The following MRNIP variants were observed in gnomAD, a reference collection of about 807,000 sequenced individuals.
MRNIP encodes the protein MRN complex interacting protein.
A neutral mutation model predicts 29.8 loss-of-function variants in MRNIP; 30 were observed. That is an observed-to-expected ratio of 1.01 (90% CI 0.75 to 1.36). The LOEUF is 1.36. Ranked by LOEUF, MRNIP falls within the 40% of genes most tolerant of loss-of-function variation. MRNIP has a pLI of 0.00. For synonymous variants in MRNIP, 201 were observed against 164.1 expected (o/e 1.23, Z -1.72); for missense variants, 459 against 423.5 (o/e 1.08, Z -0.74).
rs1332254629 is a variant in MRNIP, at chr5:179,858,734, G to A, written c.63C>T (p.His21=). 2 of 1,520,766 alleles carry A rather than the reference G, an allele frequency of 1.3e-6. No individual in the cohort carries two copies. Among genetic ancestry groups the A allele is most frequent in the South Asian group, 2.5e-5 (2 of 81,306 alleles). 94.2% of individuals were successfully genotyped at this position (1,520,766 alleles called of 1,614,324 possible). A position where few individuals can be genotyped will look rare whatever the true frequency, so the allele number is the denominator to read the frequency against. ...RCCSCRLFQA[H]QVKKSVKWTC... ...AGGGGGCTGGCACCCGCCAGACCTG[G>A]TGCGCCTGGAAGAGGCGGCAGCTGC... The change falls in exon 1 of 7, where the codon CAC becomes CAT. Residue 21 remains histidine, a synonymous_variant. Coordinates refer to ENST00000292586, the MANE Select transcript of MRNIP (RefSeq NM_016175.4).
At position 179,847,993 on chromosome 5, in the gene MRNIP, G is replaced by A. The variant is rs775858701; in HGVS notation, c.200C>T (p.Ser67Leu). Residue 67 changes from serine (S) to leucine (L), a missense_variant, in exon 3 of 7, where the codon TCA (serine) becomes TTA (leucine). By Grantham distance (145) the Ser-to-Leu change is moderately radical (BLOSUM62 -2). Coordinates refer to ENST00000292586, the MANE Select transcript of MRNIP (RefSeq NM_016175.4). ...ACAACTGTACCTGAGTGGCAGCTCT[G>A]AAACTTGTCCCTGTAGTAGATTTAA... ...QKLNLLQGQV[S>L]ELPLRSLEET... 13 of 1,611,710 alleles carry A rather than the reference G, an allele frequency of 8.1e-6. No individual in the cohort carries two copies. Among genetic ancestry groups the A allele is most frequent in the Non-Finnish European group, 1.1e-5 (13 of 1,178,424 alleles).
intron 5 of MRNIP, 148 bp from the exon 6 acceptor site, chr5:179,841,107 C>G: frequency 1.7e-6 from 1 of 603,834 alleles, no homozygotes; most frequent in Non-Finnish European, 2.9e-6. Context: ...CCAGCCACCG[C>G]CCAGGCCCCA....
intron 4 of MRNIP, 146 bp downstream of exon 4, chr5:179,844,006 T>C (rs1759021100): frequency 1.5e-6 from 1 of 674,154 alleles, no homozygotes; most frequent in Non-Finnish European, 2.6e-6. Context: ...GGTTTATTTA[T>C]TTTTGTGTTC....
intron 1 of MRNIP, among the ~76,000 whole-genome samples, chr5:179,856,807 G>A (rs1436658697): frequency 1.3e-5 from 2 of 152,176 alleles, no homozygotes; most frequent in Non-Finnish European, 2.9e-5. Context: ...ATGACCACGA[G>A]GGTCAGGGGC....
Position 179,841,959 on chromosome 5 carries a change from A to C in MRNIP, c.397T>G (p.Ser133Ala). 6.2e-7 allele frequency: 1 copy of C among 1,614,096 alleles called. No homozygotes were observed. The stretch of plus-strand genomic sequence containing the variant: ...CGGGGGCCTGGCTCCTCCATTTTGG[A>C]TGAAGGCTGTTTGCTGAAACACACT... ...TGVCFSKQPS[S>A]KMEEPGPRFS... Residue 133 changes from serine (S) to alanine (A), a missense_variant, in exon 5 of 7, where the codon TCC becomes GCC. By Grantham distance (99) the Ser-to-Ala change is moderately conservative (BLOSUM62 1). Coordinates refer to ENST00000292586, the MANE Select transcript of MRNIP (RefSeq NM_016175.4).
intron 2 of MRNIP, chr5:179,850,960 C>CA (rs1561621524): frequency 3.3e-6 from 1 of 306,284 alleles, no homozygotes; most frequent in East Asian, 7.7e-5. Flanking sequence ...GGAATAGAAG[C>CA]AGCTCAAGAT....
chr5:179,853,083 T>A (rs1759435420), intron 2 of MRNIP: 1 of 586,346 alleles, frequency 1.7e-6, no homozygotes, highest in African/African-American at 1.9e-5. Flanking sequence ...TCCACACAAG[T>A]GCATCTGTGA....
chr5:179,852,872 A>T (rs1303123576), intron 2 of MRNIP, among the ~76,000 whole-genome samples: 1 of 152,080 alleles, frequency 6.6e-6, no homozygotes, highest in Non-Finnish European at 1.5e-5. Flanking sequence ...GCTGGATGAG[A>T]GCATTTACAG....
At position 179,844,136 on chromosome 5, in the gene MRNIP, TG is replaced by T. The variant is rs754024263; in HGVS notation, c.291+15del. On this transcript the variant is annotated intron_variant, in intron 4 of 6. Transcript: ENST00000292586. Reference sequence around the variant, plus strand: ...TGACACAGAGCCAGCCTGGGGCAGGTGGGCCTGAGGCTTACCTGCTGCTTCA... The same window carrying T: ...TGACACAGAGCCAGCCTGGGGCAGGTGGCCTGAGGCTTACCTGCTGCTTCA... 1 of 1,612,294 alleles carries T rather than the reference TG, an allele frequency of 6.2e-7. No individual in the cohort carries two copies. The highest frequency in any genetic ancestry group is 1.1e-5 in the South Asian group (1 of 91,012).
chr5:179,855,823 A>G (rs914700039), intron 1 of MRNIP, among the ~76,000 whole-genome samples: 21 of 152,132 alleles, frequency 1.4e-4, no homozygotes, highest in African/African-American at 4.8e-4. Flanking sequence ...GTAATGACTT[A>G]GCAATTTTAC....
rs747359209 is a variant in MRNIP at position 179,848,062 on chromosome 5, T to C, written c.131A>G (p.Tyr44Cys). 1 of 1,613,694 alleles carries C rather than the reference T, an allele frequency of 6.2e-7. No homozygotes were observed. The highest frequency in any genetic ancestry group is 1.1e-5 in the South Asian group (1 of 91,074). Residue 44 changes from tyrosine (Y) to cysteine (C), a missense_variant, in exon 3 of 7, where the codon TAT becomes TGT. Tyr to Cys is a radical substitution (Grantham distance 194). Coordinates refer to ENST00000292586, the MANE Select transcript of MRNIP (RefSeq NM_016175.4). ...ACAATCAGCACCAGAGCCTTCACCA[T>C]AAGCCTGAGAAACCAAAAAATATAT... is the stretch of plus-strand genomic sequence containing the variant. ...CGEKQSFLQA[Y>C]GEGSGADCRR...
chr5:179,837,389 G>A lies in MRNIP; in HGVS notation c.*2C>T. 1 of 1,588,420 alleles carries A rather than the reference G, an allele frequency of 6.3e-7. No homozygotes were observed. Among genetic ancestry groups the A allele is most frequent in the Non-Finnish European group, 8.6e-7 (1 of 1,165,522 alleles). ...CTCGATTAATAACCTGCCAGTCCCA[G>A]ATCACACATCATCATCGAAGTCTTC... is the stretch of plus-strand genomic sequence containing the variant. On this transcript the variant is annotated 3_prime_UTR_variant, in exon 7 of 7. Transcript: ENST00000292586.
At chr5:179,846,402 G>A (rs1759130721) in intron 3 of MRNIP, among the ~76,000 whole-genome samples, 2 of 152,006 alleles carry the variant, frequency 1.3e-5, no homozygotes, top group Admixed American at 1.3e-4. Flanking sequence ...TCCAGCCTCA[G>A]CCTCCCTAGT....
At chr5:179,858,238 G>A (rs1387423514) in intron 1 of MRNIP, among the ~76,000 whole-genome samples, 1 of 152,174 alleles carries the variant, frequency 6.6e-6, no homozygotes, top group Non-Finnish European at 1.5e-5. Flanking sequence ...CAGATTATCT[G>A]TCTTTAAGAC....
chr5:179,837,638 G>C lies in MRNIP; in HGVS notation c.785C>G (p.Ala262Gly), dbSNP rs762650433. 1.9e-6 allele frequency: 3 copies of C among 1,614,208 alleles called. No individual in the cohort carries two copies. The highest frequency in any genetic ancestry group is 2.5e-6 in the Non-Finnish European group (3 of 1,180,044). The change falls in exon 7 of 7, where the codon GCT (alanine) becomes GGT (glycine). Residue 262 changes from alanine to glycine, a missense_variant. Physicochemically the swap from Ala to Gly is moderately conservative, Grantham distance 60. Coordinates refer to ENST00000292586, the MANE Select transcript of MRNIP (RefSeq NM_016175.4). ...CTGTGCTCTGGGGGTCCCTTGCTTA[G>C]CCTGTGCTGGACCAGCTGGCCTGGG... ...RDPRPAGPAQ[A>G]KQGTPRAQAS... is the part of the protein sequence containing the mutation.
At chr5:179,842,759 G>A (rs1024731852) in intron 4 of MRNIP, among the ~76,000 whole-genome samples, 6 of 147,384 alleles carry the variant, frequency 4.1e-5, no homozygotes, top group Admixed American at 6.8e-5. Flanking sequence ...ATGGCCAGGC[G>A]CGGTGGCTCA....
chr5:179,842,516 TAAAAAAAAAACAACAAC>T (rs1758923245), intron 4 of MRNIP, among the ~76,000 whole-genome samples: 3 of 130,506 alleles, frequency 2.3e-5, no homozygotes, highest in South Asian at 4.9e-4. Flanking sequence ...CCGTCTCTAC[TAAAAAAAAAACAACAAC>T]AAAAAAAAAA....
At chr5:179,838,256 C>CG (rs894684760) in intron 6 of MRNIP, 13 of 278,314 alleles carry the variant, frequency 4.7e-5, no homozygotes, top group African/African-American at 2.4e-4. Flanking sequence ...TACCTCCCAC[C>CG]GGGGGGCAGC....
At chr5:179,851,343 A>C in intron 2 of MRNIP, 1 of 456,046 alleles carries the variant, frequency 2.2e-6, no homozygotes, top group Non-Finnish European at 4.4e-6. Flanking sequence ...TTCTCCTAGG[A>C]ATTTATAATT....
Sources: allele counts gnomAD v4.1 joint callset (sites outside exome capture counted in the v4.1 genomes callset), GRCh38; gene constraint gnomAD v4.1.1; transcripts MANE v1.5; gene names NCBI Gene and HGNC (gene_info 2026-07-23, HGNC 2026-07-21).